Variants in ITGAL observed in about 807,000 individuals in gnomAD.
ITGAL encodes integrin subunit alpha L.
In ITGAL, 68 loss-of-function variants were observed where a neutral mutation model predicts 138.4. That is an observed-to-expected ratio of 0.49 (90% confidence interval 0.40 to 0.60). The LOEUF (loss-of-function observed/expected upper bound fraction) is 0.60. ITGAL is among the 20% of genes least tolerant of loss of function. ITGAL has a pLI of 0.00. For missense variants in ITGAL, 1,256 were observed against 1,478.6 expected, an observed-to-expected ratio of 0.85 and a Z score of 2.47; for synonymous variants, 561 against 584.3, an observed-to-expected ratio of 0.96 and a Z score of 0.57.
Position 30,494,960 on chromosome 16 carries a change from A to G in ITGAL, c.1503+110A>G. 8.4e-7 allele frequency: 1 copy of G among 1,185,598 alleles called. No homozygotes were observed. 73.4% of individuals were successfully genotyped at this position (1,185,598 alleles called of 1,614,324 possible). On this transcript the variant is annotated intron_variant, in intron 13 of 30. Transcript: ENST00000356798. This position sits in a 1 kb window ranked among gnomAD's most constrained non-coding sequence, Gnocchi z 4.2. ...CTGGTCACGTGGCGATCAAACTTTT[A>G]GAACGACAGAGAGGCAATAGCAAAT...
intron 7 of ITGAL, 120 bp from the exon 8 acceptor site, chr16:30,483,706 TG>T: frequency 9.1e-7 from 1 of 1,102,684 alleles, no homozygotes; most frequent in Non-Finnish European, 1.3e-6. Flanking sequence ...AATCCCGGCC[TG>T]GGAGATCCAG....
chr16:30,517,123 C>T (rs768703869), intron 26 of ITGAL, 37 bp downstream of exon 26: 2 of 1,357,182 alleles, frequency 1.5e-6, no homozygotes, highest in South Asian at 2.5e-5. Context: ...CTACCCTCCT[C>T]AGGTCTTGGG....
At chr16:30,519,822 G>T (rs1176918292) in intron 29 of ITGAL, 35 bp from the exon 30 acceptor site, 39 of 1,409,148 alleles carry the variant, frequency 2.8e-5, no homozygotes, top group Admixed American at 3.3e-5. Flanking sequence ...GGGTGGAAAA[G>T]GCATTTTCCG....
At chr16:30,507,464 A>C (rs1417211944) in intron 21 of ITGAL, among the ~76,000 whole-genome samples, 9 of 148,144 alleles carry the variant, frequency 6.1e-5, no homozygotes, top group Non-Finnish European at 1.4e-4. Flanking sequence ...TCTCAAAAAA[A>C]AAACAAAAAA....
chr16:30,497,763 C>A (rs775718566), intron 15 of ITGAL, among the ~76,000 whole-genome samples: 68 of 151,482 alleles, frequency 4.5e-4, no homozygotes, highest in Non-Finnish European at 8.3e-4. Flanking sequence ...ACAGAGTGAG[C>A]CACCGTGCCC....
At chr16:30,511,645 A>G (rs540543499) in intron 24 of ITGAL, among the ~76,000 whole-genome samples, 1 of 152,324 alleles carries the variant, frequency 6.6e-6, no homozygotes, top group Admixed American at 6.5e-5. Context: ...GGGGGCCGAT[A>G]ATGCCAGGAG....
At chr16:30,481,356 A>G in intron 6 of ITGAL, 83 bp from the exon 7 acceptor site, 2 of 1,010,440 alleles carry the variant, frequency 2.0e-6, no homozygotes, top group Non-Finnish European at 2.7e-6. Flanking sequence ...AAAAAAAAAA[A>G]AAAAAAAAAA....
At chr16:30,498,838 C>A in intron 15 of ITGAL, 1 of 435,500 alleles carries the variant, frequency 2.3e-6, no homozygotes, top group Non-Finnish European at 4.1e-6. Flanking sequence ...GAGGCCGAGG[C>A]TGTAGTGAGC....
At position 30,489,494 on chromosome 16, in the gene ITGAL, A is replaced by C. The variant is rs1015488640; in HGVS notation, c.1213+108A>C. On this transcript the variant is annotated intron_variant, in intron 11 of 30. Coordinates refer to ENST00000356798, the MANE Select transcript of ITGAL (RefSeq NM_002209.3). ...AAGCAGTTAAGCAACCAGCATGAAC[A>C]AAGTCAGAGTTTAAATATGGCTATA... 4 of 1,062,546 alleles carry C rather than the reference A, an allele frequency of 3.8e-6. No homozygotes were observed. In the East Asian group the frequency reaches 9.5e-5, roughly 25 times the overall value. The allele number at this position is 1,062,546 out of a possible 1,614,324, so 65.8% of individuals were successfully genotyped here.
At chr16:30,484,616 T>TAAAAAAC (rs2050612486) in intron 9 of ITGAL, among the ~76,000 whole-genome samples, 1 of 133,996 alleles carries the variant, frequency 7.5e-6, no homozygotes, top group Non-Finnish European at 1.6e-5. Context: ...TTTCAAAAAA[T>TAAAAAAC]AAAAAACAAA....
intron 17 of ITGAL, 61 bp from the exon 18 acceptor site, chr16:30,504,114 C>A (rs2151165430): frequency 7.9e-7 from 1 of 1,257,900 alleles, no homozygotes; most frequent in Non-Finnish European, 1.2e-6. Flanking sequence ...AGGTATACAT[C>A]TAATCGGAAG....
intron 11 of ITGAL, among the ~76,000 whole-genome samples, chr16:30,490,945 G>A (rs531166461): frequency 9.9e-5 from 15 of 151,420 alleles, no homozygotes; most frequent in East Asian, 7.8e-4. Context: ...ACTCCAGCCT[G>A]GGTGACAGAG....
In ITGAL at chr16:30,510,362, C is replaced by T; in HGVS notation, c.2510C>T (p.Pro837Leu). Residue 837 changes from proline to leucine, a missense_variant and splice_region_variant, in exon 22 of 31, where the codon CCC becomes CTC. Physicochemically the swap from Pro to Leu is moderately conservative, Grantham distance 98. This residue lies in a region of ITGAL where 867 missense variants were observed against 972.5 expected (regional missense o/e 0.89). Coordinates refer to ENST00000356798, the MANE Select transcript of ITGAL (RefSeq NM_002209.3). The stretch of plus-strand genomic sequence containing the variant: ...CTTGTTTCCTCCTTTCACTCCCAGC[C>T]CCATAGCCAGATACCTGTGAGCTGC... ...LSFRKVEMLK[P>L]HSQIPVSCEE... The T allele has an allele frequency of 1.3e-6, 2 of 1,593,140 alleles. No individual in the cohort carries two copies. Among genetic ancestry groups the T allele is most frequent in the Non-Finnish European group, 1.7e-6 (2 of 1,160,904 alleles).
intron 29 of ITGAL, among the ~76,000 whole-genome samples, chr16:30,518,965 TGTAATCCTAGCACTTTGGGAG>T (rs2051212287): frequency 6.6e-6 from 1 of 152,174 alleles, no homozygotes. Flanking sequence ...AGCTCACACC[TGTAATCCTAGCACTTTGGGAG>T]GTCAAGGTAG....
At chr16:30,497,777 CCTTTT>C (rs2050824107) in intron 15 of ITGAL, among the ~76,000 whole-genome samples, 1 of 151,326 alleles carries the variant, frequency 6.6e-6, no homozygotes, top group Non-Finnish European at 1.5e-5. Flanking sequence ...CGTGCCCAGC[CCTTTT>C]CTTTTTTTTT....
At position 30,511,155 on chromosome 16, in the gene ITGAL, A is replaced by G; in HGVS notation, c.2786+19A>G. The G allele has an allele frequency of 6.3e-7, 1 of 1,591,650 alleles. No homozygotes were observed. Among genetic ancestry groups the G allele is most frequent in the Non-Finnish European group, 8.6e-7 (1 of 1,159,668 alleles). On this transcript the variant is annotated intron_variant, in intron 24 of 30. Transcript: ENST00000356798. ...TCCAGGAGTAAGTTCTTCCCAGCAGACAGCCAACCCTCTCCTCCCACCGCA... is the reference window on the plus strand; with the variant it reads ...TCCAGGAGTAAGTTCTTCCCAGCAGGCAGCCAACCCTCTCCTCCCACCGCA...
chr16:30,488,625 C>A (rs1399450573), intron 9 of ITGAL, among the ~76,000 whole-genome samples: 2 of 150,992 alleles, frequency 1.3e-5, no homozygotes, highest in Admixed American at 6.6e-5. Context: ...ATCGCTTGAA[C>A]CCAGGAGGCA....
chr16:30,474,944 T>A (rs1479305756), intron 2 of ITGAL, among the ~76,000 whole-genome samples: 1 of 150,488 alleles, frequency 6.6e-6, no homozygotes, highest in African/African-American at 2.4e-5. Context: ...CTGCAATCTG[T>A]GCCTCCCAGG....
chr16:30,491,572 G>A (rs2050724274), intron 11 of ITGAL, among the ~76,000 whole-genome samples: 1 of 151,942 alleles, frequency 6.6e-6, no homozygotes, highest in South Asian at 2.1e-4. Context: ...GTAGCACTAA[G>A]CATTTTATAT....
Sources: allele counts gnomAD v4.1 joint callset (sites outside exome capture counted in the v4.1 genomes callset), GRCh38; gene constraint gnomAD v4.1.1; regional missense constraint gnomAD v4.1.1; non-coding constraint Gnocchi (gnomAD v3.1); transcripts MANE v1.5; gene names NCBI Gene and HGNC (gene_info 2026-07-23, HGNC 2026-07-21).